Variants in CACNA1E observed in about 807,000 individuals in gnomAD.
CACNA1E encodes calcium voltage-gated channel subunit alpha1 E.
A neutral mutation model predicts 259.2 loss-of-function variants in CACNA1E; 40 were observed. That is an observed-to-expected ratio of 0.15 (90% CI 0.12 to 0.20). The LOEUF is 0.20. CACNA1E is among the 10% of genes least tolerant of loss of function. CACNA1E has a pLI of 1.00. For synonymous variants in CACNA1E, 1,104 were observed against 1,138.5 expected (o/e 0.97, Z 0.61); for missense variants, 1,874 against 3,040.1 (o/e 0.62, Z 9.02).
At chr1:181,685,338 CTCAAG>C (rs965317568) in intron 7 of CACNA1E, among the ~76,000 whole-genome samples, 1 of 148,446 alleles carries the variant, frequency 6.7e-6, no homozygotes, top group African/African-American at 2.5e-5. Flanking sequence ...TATTATACCT[CTCAAG>C]TCAAGTATTA....
At chr1:181,530,927 G>A (rs1667734740) in intron 3 of CACNA1E, among the ~76,000 whole-genome samples, 1 of 152,226 alleles carries the variant, frequency 6.6e-6, no homozygotes, top group Admixed American at 6.5e-5. Flanking sequence ...GGAAGGCACA[G>A]GCTTATGGTT....
At chr1:181,474,463 A>G (rs16857380) in intron 2 of CACNA1E, among the ~76,000 whole-genome samples, 14,288 of 152,304 alleles carry the variant, frequency 0.094, 834 homozygotes, top group South Asian at 0.19. Context: ...AATGTACTGT[A>G]TTAAGCCTGT....
At position 181,771,370 on chromosome 1, in the gene CACNA1E, A is replaced by C. The variant is rs1659495587; in HGVS notation, c.4959A>C (p.Leu1653=). 1.3e-6 allele frequency: 2 copies of C among 1,585,022 alleles called. No homozygotes were observed. Among genetic ancestry groups the C allele is most frequent in the African/African-American group, 2.7e-5 (2 of 74,420 alleles). Residue 1653 remains leucine, a synonymous_variant, in exon 36 of 48, where the codon CTA becomes CTC. Coordinates refer to ENST00000367573, the MANE Select transcript of CACNA1E (RefSeq NM_001205293.3). ...ACTTCCGGAGTTTCTTTGGGTCCCT[A>C]ATGCTACTCTTCAGGTACCTGGATG... is the stretch of plus-strand genomic sequence containing the variant. ...HNNFRSFFGS[L]MLLFRSATGE...
At chr1:181,726,798 C>A (rs755915148) in intron 18 of CACNA1E, among the ~76,000 whole-genome samples, 3 of 150,762 alleles carry the variant, frequency 2.0e-5, no homozygotes, top group Non-Finnish European at 4.4e-5. Context: ...AGTCTGCTCT[C>A]AGAGTAAAGT....
intron 1 of CACNA1E, among the ~76,000 whole-genome samples, chr1:181,486,105 G>A (rs1265608969): frequency 6.6e-6 from 1 of 152,240 alleles, no homozygotes; most frequent in African/African-American, 2.4e-5. Context: ...TCCACCAGGC[G>A]TTGCGAGCGC....
intron 3 of CACNA1E, among the ~76,000 whole-genome samples, chr1:181,519,075 C>T (rs762808580): frequency 1.1e-4 from 16 of 152,144 alleles, no homozygotes; most frequent in Admixed American, 2.0e-4. Flanking sequence ...GGCAGTTAAA[C>T]TCGTGCATTC....
At chr1:181,647,151 A>G (rs974173518) in intron 6 of CACNA1E, among the ~76,000 whole-genome samples, 3 of 152,112 alleles carry the variant, frequency 2.0e-5, no homozygotes, top group African/African-American at 7.2e-5. Context: ...ATGATGCCTG[A>G]CTGATAGTAG....
At chr1:181,737,032 C>G (rs1656108023) in intron 22 of CACNA1E, among the ~76,000 whole-genome samples, 2 of 152,198 alleles carry the variant, frequency 1.3e-5, no homozygotes, top group Admixed American at 1.3e-4. Context: ...TGTGAGCCAT[C>G]CATGGCTAGA....
rs187160434 is a variant in CACNA1E, at chr1:181,324,612, T to A, written c.-15+6489T>A. 1.7e-3 allele frequency among the ~76,000 whole-genome samples: 262 copies of A among 152,260 alleles called. 5 individuals are homozygous for A. Among genetic ancestry groups the A allele is most frequent in the Admixed American group, 0.017 (259 of 15,300 alleles). The stretch of plus-strand genomic sequence containing the variant: ...GGATGAATTAAATTATAAATGTAAA[T>A]CGGGAGTTCAAAGGAAATGTTTAAG... On this transcript the variant is annotated intron_variant, in intron 1 of 11. Transcript: ENST00000524607.
intron 1 of CACNA1E, among the ~76,000 whole-genome samples, chr1:181,403,581 TACAACCAAAAAACATAGAGAGGG>T: frequency 6.6e-6 from 1 of 152,144 alleles, no homozygotes; most frequent in East Asian, 1.9e-4. Flanking sequence ...GAGGATGAAC[TACAACCAAAAAACATAGAGAGGG>T]ATAAGAAGAC....
intron 7 of CACNA1E, among the ~76,000 whole-genome samples, chr1:181,688,847 C>T (rs779367952): frequency 3.3e-5 from 5 of 152,146 alleles, no homozygotes; most frequent in Non-Finnish European, 7.3e-5. Context: ...CTGGTCTACT[C>T]CTTGCTTCTA....
intron 2 of CACNA1E, among the ~76,000 whole-genome samples, chr1:181,460,012 C>T (rs558723034): frequency 1.2e-4 from 19 of 152,286 alleles, no homozygotes; most frequent in Admixed American, 1.1e-3. Flanking sequence ...TCCCTTTTCC[C>T]TCACTCCTGC....
At chr1:181,520,473 T>C (rs1259450426) in intron 3 of CACNA1E, among the ~76,000 whole-genome samples, 1 of 152,126 alleles carries the variant, frequency 6.6e-6, no homozygotes, top group Admixed American at 6.5e-5. Context: ...CATATAAAAA[T>C]TGAAAGTACT....
intron 1 of CACNA1E, among the ~76,000 whole-genome samples, chr1:181,325,976 C>T (rs891075088): frequency 3.3e-5 from 5 of 152,176 alleles, no homozygotes; most frequent in East Asian, 1.9e-4. Flanking sequence ...CCTTGCACTC[C>T]GCGTGCACTG....
chr1:181,792,469 A>AGACT (rs1378139748), intron 44 of CACNA1E, among the ~76,000 whole-genome samples: 2 of 152,206 alleles, frequency 1.3e-5, no homozygotes, highest in East Asian at 3.8e-4. Flanking sequence ...TGATACCTGT[A>AGACT]GACTGCAGTG....
chr1:181,731,934 C>T (rs963290441), intron 19 of CACNA1E, among the ~76,000 whole-genome samples: 1 of 151,874 alleles, frequency 6.6e-6, no homozygotes, highest in Non-Finnish European at 1.5e-5. Context: ...CCTCATTATC[C>T]CGGGCTGTAA....
intron 25 of CACNA1E, among the ~76,000 whole-genome samples, chr1:181,741,270 C>G (rs1212686517): frequency 6.6e-6 from 1 of 152,132 alleles, no homozygotes; most frequent in Non-Finnish European, 1.5e-5. Flanking sequence ...TGTTTGAATC[C>G]CAGCCCCTCT....
intron 6 of CACNA1E, among the ~76,000 whole-genome samples, chr1:181,615,062 G>C (rs200507942): frequency 1.3e-5 from 2 of 152,114 alleles, no homozygotes; most frequent in Admixed American, 1.3e-4. Flanking sequence ...TAGAATATTG[G>C]GGAGAATTGA....
intron 6 of CACNA1E, among the ~76,000 whole-genome samples, chr1:181,582,414 T>G (rs1251960932): frequency 1.3e-5 from 2 of 152,240 alleles, no homozygotes; most frequent in African/African-American, 2.4e-5. Context: ...CTCTAGGAAT[T>G]GCAGCACTGG....
Sources: allele counts gnomAD v4.1 joint callset (sites outside exome capture counted in the v4.1 genomes callset), GRCh38; gene constraint gnomAD v4.1.1; transcripts MANE v1.5; gene names NCBI Gene and HGNC (gene_info 2026-07-23, HGNC 2026-07-21).